Variants in ADAMTS2 observed in about 807,000 individuals in gnomAD.
The protein encoded by ADAMTS2 is A disintegrin and metalloproteinase with thrombospondin motifs 2.
ADAMTS2 carries 50 observed loss-of-function variants against 123.0 expected under a neutral mutation model. That is an observed-to-expected ratio of 0.41 (90% CI 0.32 to 0.51). The LOEUF is 0.51. Ranked by LOEUF, ADAMTS2 falls within the 20% of genes least tolerant of loss-of-function variation. The pLI is 0.35. For synonymous variants in ADAMTS2, 678 were observed against 695.4 expected, an observed-to-expected ratio of 0.98 and a Z score of 0.39; for missense variants, 1,494 against 1,705.2, an observed-to-expected ratio of 0.88 and a Z score of 2.18.
chr5:179,262,544 G>A lies in ADAMTS2; in HGVS notation c.688+10367C>T, dbSNP rs1456825845. Among the ~76,000 whole-genome samples the A allele has an allele frequency of 6.6e-6, 1 of 152,088 alleles. No homozygotes were observed. The highest frequency in any genetic ancestry group is 2.4e-5 in the African/African-American group (1 of 41,390). On this transcript the variant is annotated intron_variant, in intron 3 of 21. Transcript: ENST00000251582. This position sits in a 1 kb window ranked among gnomAD's most constrained non-coding sequence, Gnocchi z 5.9. ...CTCCCACTCCCCCATTACGTCCTCA[G>A]TTCCAGGTACTAGCTCTTCCTTCTG...
At chr5:179,258,089 G>A (rs1766114219) in intron 3 of ADAMTS2, among the ~76,000 whole-genome samples, 1 of 152,138 alleles carries the variant, frequency 6.6e-6, no homozygotes, top group African/African-American at 2.4e-5. Flanking sequence ...AAGGTTGAGA[G>A]GACAGATGCT....
chr5:179,306,424 T>A (rs756809788), intron 2 of ADAMTS2, among the ~76,000 whole-genome samples: 32 of 152,234 alleles, frequency 2.1e-4, no homozygotes, highest in Non-Finnish European at 4.6e-4. Context: ...TGACTAAAAA[T>A]TAAAAACTCT....
Position 179,262,864 on chromosome 5 carries a change from C to T in ADAMTS2, c.688+10047G>A, listed in dbSNP as rs939573547. ...AGCCCCAGCACCCAGTCCTGTCAGACACATGGTGGACACATAGCAAGAACG... is the reference window on the plus strand; with the variant it reads ...AGCCCCAGCACCCAGTCCTGTCAGATACATGGTGGACACATAGCAAGAACG... On this transcript the variant is annotated intron_variant, in intron 3 of 21. Transcript: ENST00000251582. The surrounding 1 kb of genome is among the most constrained non-coding windows in gnomAD (Gnocchi z 5.9). 2.6e-5 allele frequency among the ~76,000 whole-genome samples: 4 copies of T among 152,270 alleles called. No homozygotes were observed. The East Asian group carries it at 5.8e-4, about 22-fold the overall frequency.
chr5:179,117,407 G>C lies in ADAMTS2; in HGVS notation c.3179-3083C>G, dbSNP rs1258875924. Among the ~76,000 whole-genome samples, 7 of 152,128 alleles carry C rather than the reference G, an allele frequency of 4.6e-5. No homozygotes were observed. Among genetic ancestry groups the C allele is most frequent in the East Asian group, 1.9e-4 (1 of 5,186 alleles). On this transcript the variant is annotated intron_variant, in intron 21 of 21. Transcript: ENST00000251582. The surrounding 1 kb of genome is among the most constrained non-coding windows in gnomAD (Gnocchi z 4.2). ...TTATCCACATCTCCACTCCCTCACT[G>C]TCTCCCCCACCAGGCTGGGATCCCT...
chr5:179,235,343 G>A lies in ADAMTS2; in HGVS notation c.689-27628C>T, dbSNP rs564762272. ...AGGAATAGACAAGGAGCAAGAATAC[G>A]AGCTCATCCTCATGCCTCAGAATAG... On this transcript the variant is annotated intron_variant, in intron 3 of 21. Transcript: ENST00000251582. 5.9e-5 allele frequency among the ~76,000 whole-genome samples: 9 copies of A among 152,304 alleles called. No homozygotes were observed. The South Asian group carries it at 1.7e-3, about 28-fold the overall frequency.
At chr5:179,195,468 C>T (rs1291338387) in intron 4 of ADAMTS2, among the ~76,000 whole-genome samples, 2 of 152,228 alleles carry the variant, frequency 1.3e-5, no homozygotes, top group Non-Finnish European at 2.9e-5. Context: ...ATCTGTGGCC[C>T]ACATTGAAAA....
Position 179,262,160 on chromosome 5 carries a change from C to T in ADAMTS2, c.688+10751G>A, listed in dbSNP as rs1766245048. On this transcript the variant is annotated intron_variant, in intron 3 of 21. Coordinates refer to ENST00000251582, the MANE Select transcript of ADAMTS2 (RefSeq NM_014244.5). This position sits in a 1 kb window ranked among gnomAD's most constrained non-coding sequence, Gnocchi z 5.9. ...TGATGGGTGCCAATTCTGACTCCTG[C>T]ACGTGGCCCAGACCACCTAACCTGC... Among the ~76,000 whole-genome samples, 1 of 152,112 alleles carries T rather than the reference C, an allele frequency of 6.6e-6. No homozygotes were observed. Among genetic ancestry groups the T allele is most frequent in the African/African-American group, 2.4e-5 (1 of 41,418 alleles).
rs1762831708 is a variant in ADAMTS2, at chr5:179,125,118, C to T, written c.2813G>A (p.Arg938His). 4 of 1,612,970 alleles carry T rather than the reference C, an allele frequency of 2.5e-6. No individual in the cohort carries two copies. Among genetic ancestry groups the T allele is most frequent in the Non-Finnish European group, 2.5e-6 (3 of 1,179,922 alleles). ...QTCGRTGMQVRSVRCIQPLHD... is the reference protein window; with the variant it reads ...QTCGRTGMQVHSVRCIQPLHD... Reference sequence around the variant, plus strand: ...TAGCGGCTGAATGCAGCGCACGGAGCGCACCTGCATGCCTGTCCGCCCACA... The same window carrying T: ...TAGCGGCTGAATGCAGCGCACGGAGTGCACCTGCATGCCTGTCCGCCCACA... Residue 938 changes from arginine (R) to histidine (H), a missense_variant, in exon 19 of 22, where the codon CGC becomes CAC. Coordinates refer to ENST00000251582, the MANE Select transcript of ADAMTS2 (RefSeq NM_014244.5).
chr5:179,219,572 G>A (rs1765078194), intron 3 of ADAMTS2, among the ~76,000 whole-genome samples: 1 of 152,198 alleles, frequency 6.6e-6, no homozygotes, highest in Admixed American at 6.5e-5. Context: ...AAGGGGCCAG[G>A]CTCTGGTCCG....
chr5:179,302,862 C>G (rs933908924), intron 2 of ADAMTS2, among the ~76,000 whole-genome samples: 2 of 149,684 alleles, frequency 1.3e-5, no homozygotes, highest in Non-Finnish European at 3.0e-5. Flanking sequence ...GAGGTCAGAA[C>G]AGACCTGCCA....
intron 2 of ADAMTS2, among the ~76,000 whole-genome samples, chr5:179,333,683 T>C (rs1757537762): frequency 1.4e-5 from 2 of 142,200 alleles, no homozygotes; most frequent in South Asian, 4.9e-4. Context: ...CACTGCAAGC[T>C]CCGCCTCCTG....
rs1009993521 is a variant in ADAMTS2 at position 179,180,790 on chromosome 5, C to A, written c.975+282G>T. ...CCAATTCCCTCTGCCTCCTGACCACCCCTGGTGCCTCCCTGTGTGGCCCCC... is the reference window on the plus strand; with the variant it reads ...CCAATTCCCTCTGCCTCCTGACCACACCTGGTGCCTCCCTGTGTGGCCCCC... On this transcript the variant is annotated intron_variant, in intron 5 of 21. Transcript: ENST00000251582. The surrounding 1 kb of genome is among the most constrained non-coding windows in gnomAD (Gnocchi z 4.6). Among the ~76,000 whole-genome samples, 1 of 152,174 alleles carries A rather than the reference C, an allele frequency of 6.6e-6. No individual in the cohort carries two copies. Among genetic ancestry groups the A allele is most frequent in the Non-Finnish European group, 1.5e-5 (1 of 68,024 alleles).
chr5:179,335,213 T>A (rs550069846), intron 2 of ADAMTS2, among the ~76,000 whole-genome samples: 10 of 149,906 alleles, frequency 6.7e-5, no homozygotes, highest in South Asian at 2.1e-4. Context: ...GCCATGTTTT[T>A]AAAAAAAAAA....
chr5:179,288,948 C>G (rs1186317337), intron 2 of ADAMTS2, among the ~76,000 whole-genome samples: 1 of 152,254 alleles, frequency 6.6e-6, no homozygotes. Context: ...GCAGCACAGC[C>G]CCGCCCTCCG....
intron 5 of ADAMTS2, among the ~76,000 whole-genome samples, chr5:179,166,230 C>A (rs1178661039): frequency 6.6e-6 from 1 of 152,174 alleles, no homozygotes; most frequent in Non-Finnish European, 1.5e-5. Flanking sequence ...GCCCCTGGGG[C>A]CCTCCCACAG....
At chr5:179,217,782 AGGG>A (rs1765020186) in intron 3 of ADAMTS2, among the ~76,000 whole-genome samples, 3 of 118,962 alleles carry the variant, frequency 2.5e-5, no homozygotes, top group African/African-American at 5.5e-5. Flanking sequence ...CACACTCACT[AGGG>A]GATGGCGCAA....
intron 10 of ADAMTS2, among the ~76,000 whole-genome samples, chr5:179,140,917 A>G (rs762773004): frequency 4.7e-5 from 7 of 147,398 alleles, no homozygotes; most frequent in Non-Finnish European, 8.9e-5. Flanking sequence ...CTCTTGCCTC[A>G]GCCTCCCGAG....
chr5:179,273,026 G>A lies in ADAMTS2; in HGVS notation c.573C>T (p.Ile191=), dbSNP rs774498509. Residue 191 remains isoleucine (I), a synonymous_variant, in exon 3 of 22, where the codon ATC becomes ATT. Coordinates refer to ENST00000251582, the MANE Select transcript of ADAMTS2 (RefSeq NM_014244.5). ...CCGCCAGCCCCTTCTCCAAGGGTTC[G>A]ATGAAGAACTCCTCCTCCTCCATCC... ...LIRMEEEEFF[I]EPLEKGLAAQ... The A allele has an allele frequency of 5.6e-6, 9 of 1,613,440 alleles. No individual in the cohort carries two copies. Among genetic ancestry groups the A allele is most frequent in the Admixed American group, 3.3e-5 (2 of 60,002 alleles).
intron 3 of ADAMTS2, among the ~76,000 whole-genome samples, chr5:179,269,684 G>A (rs1033358480): frequency 3.3e-5 from 5 of 152,152 alleles, no homozygotes; most frequent in African/African-American, 1.2e-4. Context: ...CAAGCTCCGT[G>A]AGGACTCCCT....
Sources: allele counts gnomAD v4.1 joint callset (sites outside exome capture counted in the v4.1 genomes callset), GRCh38; gene constraint gnomAD v4.1.1; non-coding constraint Gnocchi (gnomAD v3.1); transcripts MANE v1.5; gene names NCBI Gene and HGNC (gene_info 2026-07-23, HGNC 2026-07-21).